Variants in ZNF280A observed in about 807,000 individuals in gnomAD.
The protein encoded by ZNF280A is zinc finger protein 280A, also known as suppressor of hairy wing homolog 1.
Under a neutral mutation model 35.9 loss-of-function variants are expected in ZNF280A, and 26 were observed. The ratio of observed to expected loss-of-function variants is 0.72; its 90% CI spans 0.53 to 1.01. ZNF280A has a LOEUF of 1.01. Among genes scored for constraint, ZNF280A ranks in the 50% least tolerant of loss-of-function variants. The pLI, the probability that ZNF280A is intolerant of heterozygous loss-of-function variation, is 0.00. For synonymous variants in ZNF280A, 231 were observed against 232.9 expected, an observed-to-expected ratio of 0.99 and a Z score of 0.07; for missense variants, 654 against 652.0, an observed-to-expected ratio of 1.00 and a Z score of -0.03.
chr22:22,513,985 G>A lies in ZNF280A; in HGVS notation c.*17C>T. The A allele has an allele frequency of 7.1e-7, 1 of 1,414,188 alleles. No homozygotes were observed. Among genetic ancestry groups the A allele is most frequent in the East Asian group, 2.3e-5 (1 of 43,794 alleles). The allele number at this position is 1,414,188 out of a possible 1,614,324, so 87.6% of individuals were successfully genotyped here. The stretch of plus-strand genomic sequence containing the variant: ...CTTCTGCCTTTCGGAACTCCTGGAA[G>A]TCAGTCGAACATATTTTCAGCTAGA... On this transcript the variant is annotated 3_prime_UTR_variant, in exon 2 of 2. Coordinates refer to ENST00000302097, the MANE Select transcript of ZNF280A (RefSeq NM_080740.5).
At chr22:22,520,012 C>T (rs5758588) in intron 1 of ZNF280A, 77 bp downstream of exon 1, 10 of 152,036 alleles carry the variant, frequency 6.6e-5, no homozygotes, top group African/African-American at 2.2e-4. Flanking sequence ...TATTTGCCAT[C>T]TAGTCTTTCA....
In ZNF280A at chr22:22,514,990, C is replaced by A; in HGVS notation, c.641G>T (p.Cys214Phe). The A allele has an allele frequency of 6.2e-7, 1 of 1,613,896 alleles. No individual in the cohort carries two copies. The highest frequency in any genetic ancestry group is 8.5e-7 in the Non-Finnish European group (1 of 1,179,982). Residue 214 changes from cysteine to phenylalanine, a missense_variant, in exon 2 of 2, where the codon TGC becomes TTC. Transcript: ENST00000302097. ...ATTCTGAACATGGTTTGATGAGTTGCAGATCCCCTGTGAGGGTGTATTTGT... is the reference window on the plus strand; with the variant it reads ...ATTCTGAACATGGTTTGATGAGTTGAAGATCCCCTGTGAGGGTGTATTTGT... Reference protein sequence around the residue: ...ISTNTPSQGICNSSNHVQNGV... With the variant: ...ISTNTPSQGIFNSSNHVQNGV...
At chr22:22,518,257 C>T (rs116164849) in intron 1 of ZNF280A, among the ~76,000 whole-genome samples, 1 of 151,748 alleles carries the variant, frequency 6.6e-6, no homozygotes, top group Non-Finnish European at 1.5e-5. Flanking sequence ...GTGAAAAATC[C>T]TATTTCTTTT....
rs897520015 is a variant in ZNF280A at position 22,515,471 on chromosome 22, T to C, written c.160A>G (p.Asn54Asp). The C allele has an allele frequency of 1.2e-6, 2 of 1,613,728 alleles. No homozygotes were observed. The highest frequency in any genetic ancestry group is 1.3e-5 in the African/African-American group (1 of 74,848). Residue 54 changes from asparagine to aspartate, a missense_variant, in exon 2 of 2, where the codon AAT becomes GAT. Asn to Asp is a conservative substitution (Grantham distance 23). Transcript: ENST00000302097. ...AEVLFVGMIS[N>D]SKPVVSNILN... is the part of the protein sequence containing the mutation. ...ATGTTTGAAACGACTGGTTTTGAAT[T>C]TGAAATCATCCCGACAAAGAGAACT... is the stretch of plus-strand genomic sequence containing the variant.
chr22:22,518,427 G>A, intron 1 of ZNF280A, among the ~76,000 whole-genome samples: 1 of 151,736 alleles, frequency 6.6e-6, no homozygotes, highest in East Asian at 2.0e-4. Context: ...TTAAGGTATT[G>A]TTTTCTTACT....
rs764373316 is a variant in ZNF280A at position 22,515,639 on chromosome 22, T to C, written c.-9A>G. On this transcript the variant is annotated 5_prime_UTR_variant, in exon 2 of 2. Coordinates refer to ENST00000302097, the MANE Select transcript of ZNF280A (RefSeq NM_080740.5). ...AAAAAGATATCTCCCATTTTCAATT[T>C]ACTTTTTGCTTGAAGCCACTGGTCT... 1.2e-5 allele frequency: 19 copies of C among 1,565,166 alleles called. No individual in the cohort carries two copies. In the African/African-American group the frequency reaches 2.5e-4, roughly 20 times the overall value.
rs112514328 is a variant in ZNF280A, at chr22:22,515,522, C to T, written c.109G>A (p.Val37Met). ...TCAGCATCTCTATGTACATGCTCCA[C>T]CCCAACATAGATCAGATCTGGATCT... ...DEDPDLIYVG[V>M]EHVHRDAEVL... Residue 37 changes from valine (V) to methionine (M), a missense_variant, in exon 2 of 2, where the codon GTG becomes ATG. Physicochemically the swap from Val to Met is conservative, Grantham distance 21. Transcript: ENST00000302097. 1.9e-6 allele frequency: 3 copies of T among 1,613,876 alleles called. No individual in the cohort carries two copies. The highest frequency in any genetic ancestry group is 8.5e-7 in the Non-Finnish European group (1 of 1,179,972).
intron 1 of ZNF280A, among the ~76,000 whole-genome samples, chr22:22,518,313 A>G (rs2062098325): frequency 6.6e-6 from 1 of 151,886 alleles, no homozygotes; most frequent in Admixed American, 6.6e-5. Flanking sequence ...TCTCTAATGG[A>G]TATCAGCTAC....
rs745995767 is a variant in ZNF280A at position 22,515,648 on chromosome 22, C to CAG, written c.-19_-18insCT. 8.3e-6 allele frequency: 13 copies of CAG among 1,557,072 alleles called. No individual in the cohort carries two copies. In the African/African-American group the frequency reaches 1.6e-4, roughly 20 times the overall value. On this transcript the variant is annotated 5_prime_UTR_variant, in exon 2 of 2. Coordinates refer to ENST00000302097, the MANE Select transcript of ZNF280A (RefSeq NM_080740.5). ...TCTCCCATTTTCAATTTACTTTTTGCTTGAAGCCACTGGTCTCTTCAACTT... is the reference window on the plus strand; with the variant it reads ...TCTCCCATTTTCAATTTACTTTTTGCAGTTGAAGCCACTGGTCTCTTCAACTT...
Position 22,515,139 on chromosome 22 carries a change from A to G in ZNF280A, c.492T>C (p.Asp164=). Residue 164 remains aspartate (D), a synonymous_variant, in exon 2 of 2, where the codon GAT becomes GAC. Transcript: ENST00000302097. Reference sequence around the variant, plus strand: ...TATCTGAAGTGGAAAGTCGCTTTGAATCAGGAGAACTCTCATTTCTGCCTC... The same window carrying G: ...TATCTGAAGTGGAAAGTCGCTTTGAGTCAGGAGAACTCTCATTTCTGCCTC... ...SGGGRNESSP[D]SKRLSTSDIN... The G allele has an allele frequency of 6.2e-7, 1 of 1,613,878 alleles. No individual in the cohort carries two copies. The highest frequency in any genetic ancestry group is 8.5e-7 in the Non-Finnish European group (1 of 1,179,978).
At chr22:22,515,856 T>C (rs1438287958) in intron 1 of ZNF280A, among the ~76,000 whole-genome samples, 155 bp from the exon 2 acceptor site, 1 of 151,918 alleles carries the variant, frequency 6.6e-6, no homozygotes, top group Admixed American at 6.6e-5. Context: ...CATAATAATT[T>C]CAAATTTACC....
chr22:22,514,801 C>T lies in ZNF280A; in HGVS notation c.830G>A (p.Ser277Asn), dbSNP rs780585686. 3 of 1,613,812 alleles carry T rather than the reference C, an allele frequency of 1.9e-6. No homozygotes were observed. The highest frequency in any genetic ancestry group is 4.5e-5 in the East Asian group (2 of 44,802). ...TTTATGCTGTCCATAGTAAAAGTCG[C>T]TAAGTAACACGATGGGATTTTCTTT... ...PKKENPIVLL[S>N]DFYYGQHKGD... The change falls in exon 2 of 2, where the codon AGC becomes AAC. Residue 277 changes from serine (S) to asparagine (N), a missense_variant. Coordinates refer to ENST00000302097, the MANE Select transcript of ZNF280A (RefSeq NM_080740.5).
chr22:22,513,778 C>A lies in ZNF280A; in HGVS notation c.*224G>T. On this transcript the variant is annotated 3_prime_UTR_variant, in exon 2 of 2. Coordinates refer to ENST00000302097, the MANE Select transcript of ZNF280A (RefSeq NM_080740.5). ...ATTTAAAGTTCATGAACAAGAAAAA[C>A]CTCTGAGGTCAGAATAAGGGATGCC... The A allele has an allele frequency of 2.2e-6, 1 of 455,118 alleles. No homozygotes were observed. The allele number at this position is 455,118 out of a possible 1,614,324, so 28.2% of individuals were successfully genotyped here. A position where few individuals can be genotyped will look rare whatever the true frequency, so the allele number is the denominator to read the frequency against.
intron 1 of ZNF280A, 38 bp downstream of exon 1, chr22:22,520,051 G>T (rs948494086): frequency 1.3e-5 from 2 of 151,942 alleles, no homozygotes; most frequent in Non-Finnish European, 2.9e-5. Flanking sequence ...TCTAGTTTTA[G>T]AGGAGCAAAA....
chr22:22,514,845 GT>G lies in ZNF280A; in HGVS notation c.785del (p.Asn262ThrfsTer43), dbSNP rs2062050545. 6.2e-7 allele frequency: 1 copy of G among 1,613,896 alleles called. No individual in the cohort carries two copies. Among genetic ancestry groups the G allele is most frequent in the African/African-American group, 1.3e-5 (1 of 74,978 alleles). ...MTDISSLASQ[N>X]KTFDPKKENP... The stretch of plus-strand genomic sequence containing the variant: ...TTTCTTTCTTGGGATCAAAGGTCTT[GT>G]TTTGACTTGCTAGACTTGAAATGTC... On this transcript the variant is annotated frameshift_variant, in exon 2 of 2. Coordinates refer to ENST00000302097, the MANE Select transcript of ZNF280A (RefSeq NM_080740.5). LOFTEE classifies it high-confidence loss of function.
rs1280170413 is a variant in ZNF280A, at chr22:22,515,081, T to C, written c.550A>G (p.Arg184Gly). The C allele has an allele frequency of 1.2e-6, 2 of 1,613,854 alleles. No homozygotes were observed. Among genetic ancestry groups the C allele is most frequent in the Non-Finnish European group, 1.7e-6 (2 of 1,179,992 alleles). Residue 184 changes from arginine (R) to glycine (G), a missense_variant, in exon 2 of 2, where the codon AGG becomes GGG. Coordinates refer to ENST00000302097, the MANE Select transcript of ZNF280A (RefSeq NM_080740.5). ...GAAGGTACCCCTGGGATTCCATCCCTGAGTTTAACCCTTTTGGAATCTCTG... is the reference window on the plus strand; with the variant it reads ...GAAGGTACCCCTGGGATTCCATCCCCGAGTTTAACCCTTTTGGAATCTCTG... ...NSRDSKRVKLRDGIPGVPSLA... is the reference protein window; with the variant it reads ...NSRDSKRVKLGDGIPGVPSLA...
At position 22,514,254 on chromosome 22, in the gene ZNF280A, C is replaced by CT; in HGVS notation, c.1376dup (p.Phe460ValfsTer19). The CT allele has an allele frequency of 6.2e-7, 1 of 1,613,880 alleles. No homozygotes were observed. Among genetic ancestry groups the CT allele is most frequent in the Non-Finnish European group, 8.5e-7 (1 of 1,179,980 alleles). ...CTATTTCCTCCTTCAACGTCAAAAA[C>CT]TGTAGCCGGCACTTGGAACACTGAA... On this transcript the variant is annotated frameshift_variant, in exon 2 of 2. Transcript: ENST00000302097. LOFTEE classifies it high-confidence loss of function.
rs759361014 is a variant in ZNF280A, at chr22:22,513,997, T to C, written c.*5A>G. 17 of 1,493,568 alleles carry C rather than the reference T, an allele frequency of 1.1e-5. No homozygotes were observed. In the Admixed American group the frequency reaches 3.1e-4, roughly 27 times the overall value. 92.5% of individuals were successfully genotyped at this position (1,493,568 alleles called of 1,614,324 possible). On this transcript the variant is annotated 3_prime_UTR_variant, in exon 2 of 2. Transcript: ENST00000302097. ...GGAACTCCTGGAAGTCAGTCGAACA[T>C]ATTTTCAGCTAGAATCCTTGCTGCA...
intron 1 of ZNF280A, among the ~76,000 whole-genome samples, chr22:22,516,867 T>G (rs772867315): frequency 6.6e-5 from 10 of 151,934 alleles, no homozygotes; most frequent in Non-Finnish European, 1.5e-4. Flanking sequence ...GCTCCTGGTC[T>G]GCCTCAGTCC....
Sources: allele counts gnomAD v4.1 joint callset (sites outside exome capture counted in the v4.1 genomes callset), GRCh38; gene constraint gnomAD v4.1.1; transcripts MANE v1.5; gene names NCBI Gene and HGNC (gene_info 2026-07-23, HGNC 2026-07-21).